Variants in MAOB observed in about 807,000 individuals in gnomAD.
MAOB encodes monoamine oxidase B.
In MAOB, 15 loss-of-function variants were observed where a neutral mutation model predicts 41.9. The observed-to-expected ratio is 0.36, with a 90% confidence interval of 0.24 to 0.55. MAOB has a LOEUF of 0.55. MAOB is among the 20% of genes least tolerant of loss of function. MAOB has a pLI of 0.86. For synonymous variants in MAOB, 167 were observed against 144.2 expected, an observed-to-expected ratio of 1.16 and a Z score of -1.13; for missense variants, 345 against 398.7, an observed-to-expected ratio of 0.87 and a Z score of 1.15.
chrX:43,810,239 T>C (rs2034729006), intron 3 of MAOB, among the ~76,000 whole-genome samples: 1 of 35,496 alleles, frequency 2.8e-5, no homozygotes, highest in African/African-American at 1.6e-4. Flanking sequence ...CGAGACTCTG[T>C]CTCAAAAAAA....
intron 4 of MAOB, 63 bp from the exon 5 acceptor site, chrX:43,802,326 T>C: frequency 1.3e-6 from 1 of 771,183 alleles, no homozygotes; most frequent in Non-Finnish European, 1.9e-6. Context: ...ATTTTATTCA[T>C]TTTTGTAATT....
At chrX:43,851,626 A>G (rs914934910) in intron 1 of MAOB, among the ~76,000 whole-genome samples, 5 of 111,665 alleles carry the variant, frequency 4.5e-5, no homozygotes, top group Admixed American at 1.9e-4. Flanking sequence ...AAGAGCTACC[A>G]TTTCTGCTTT....
chrX:43,845,908 C>T (rs1028698034), intron 1 of MAOB, among the ~76,000 whole-genome samples: 3 of 111,858 alleles, frequency 2.7e-5, no homozygotes, highest in African/African-American at 9.7e-5. Context: ...TCCATCTTCC[C>T]ATCCCTGTCA....
chrX:43,850,515 CA>C, intron 1 of MAOB: 7 of 743,476 alleles, frequency 9.4e-6, no homozygotes, highest in Non-Finnish European at 7.9e-6. Context: ...GCACCAGTCA[CA>C]ATTTTGGGGA....
At chrX:43,833,666 T>C (rs2035042303) in intron 3 of MAOB, among the ~76,000 whole-genome samples, 1 of 111,574 alleles carries the variant, frequency 9.0e-6, no homozygotes, top group African/African-American at 3.3e-5. Flanking sequence ...CTTAATTCCA[T>C]ACATTGTCTA....
At chrX:43,781,405 G>T in intron 9 of MAOB, 43 bp downstream of exon 9, 2 of 833,621 alleles carry the variant, frequency 2.4e-6, no homozygotes, top group Non-Finnish European at 3.4e-6. Flanking sequence ...TGATTATCTT[G>T]TCAACACTGA....
At chrX:43,878,446 G>GTGTGT (rs1336986554) in intron 1 of MAOB, among the ~76,000 whole-genome samples, 2 of 97,369 alleles carry the variant, frequency 2.1e-5, no homozygotes, top group African/African-American at 7.5e-5. Context: ...GTGTGTGTGT[G>GTGTGT]GAGACCATGT....
At chrX:43,837,247 T>G (rs191233176) in intron 3 of MAOB, among the ~76,000 whole-genome samples, 2 of 112,948 alleles carry the variant, frequency 1.8e-5, no homozygotes, top group African/African-American at 6.4e-5. Flanking sequence ...TGTTAAGAAC[T>G]GTTGATTGAT....
intron 5 of MAOB, among the ~76,000 whole-genome samples, chrX:43,800,767 T>A (rs981275606): frequency 3.6e-5 from 4 of 112,074 alleles, no homozygotes; most frequent in Admixed American, 1.9e-4. Context: ...TTAAACATTT[T>A]AAAAATAAAT....
At chrX:43,862,752 A>G (rs2035340790) in intron 1 of MAOB, among the ~76,000 whole-genome samples, 2 of 111,846 alleles carry the variant, frequency 1.8e-5, no homozygotes, top group Admixed American at 9.5e-5. Context: ...CAGCTTGGCT[A>G]AAACATTTCT....
chrX:43,836,308 T>C (rs970062943), intron 3 of MAOB, among the ~76,000 whole-genome samples: 15 of 112,114 alleles, frequency 1.3e-4, no homozygotes, highest in Admixed American at 1.1e-3. Flanking sequence ...AAATGACGTA[T>C]ACAAAGACAT....
At chrX:43,808,861 C>T (rs1054082149) in intron 3 of MAOB, among the ~76,000 whole-genome samples, 1 of 110,214 alleles carries the variant, frequency 9.1e-6, no homozygotes, top group Non-Finnish European at 1.9e-5. Context: ...CACACCACCA[C>T]GCCTGGCTAA....
In MAOB at chrX:43,801,270, T is replaced by C. The variant is rs182389540; in HGVS notation, c.476+902A>G. On this transcript the variant is annotated intron_variant, in intron 5 of 14. Transcript: ENST00000378069. ...TAAAGCTAAATTATTAGAAGCTGAA[T>C]TTTTATATGAAAAATATATGAATTT... Among the ~76,000 whole-genome samples, 13 of 111,210 alleles carry C rather than the reference T, an allele frequency of 1.2e-4. No individual in the cohort carries two copies. The East Asian group carries it at 3.4e-3, about 29-fold the overall frequency.
chrX:43,855,847 T>G (rs1328641493), intron 1 of MAOB, among the ~76,000 whole-genome samples: 1 of 110,769 alleles, frequency 9.0e-6, no homozygotes, highest in Non-Finnish European at 1.9e-5. Context: ...AGAAGCTGCT[T>G]TCACAAGCAG....
intron 3 of MAOB, among the ~76,000 whole-genome samples, chrX:43,834,606 C>T (rs1368739545): frequency 9.0e-6 from 1 of 111,648 alleles, no homozygotes; most frequent in Non-Finnish European, 1.9e-5. Context: ...TTTTGTGTAT[C>T]ATATTTTCAA....
At chrX:43,824,894 T>G (rs759023457) in intron 3 of MAOB, among the ~76,000 whole-genome samples, 1 of 111,140 alleles carries the variant, frequency 9.0e-6, no homozygotes, top group African/African-American at 3.3e-5. Context: ...ATGAAGGAGG[T>G]TCTGCAGAAT....
In MAOB at chrX:43,787,399, CAT is replaced by C. The variant is rs112110896; in HGVS notation, c.929-5857_929-5856del. ...ATGTCCTACCTGACATAATATATAACATATTATAAACATATCATAAAGCTACA... is the reference window on the plus strand; with the variant it reads ...ATGTCCTACCTGACATAATATATAACATTATAAACATATCATAAAGCTACA... On this transcript the variant is annotated intron_variant, in intron 8 of 14. Coordinates refer to ENST00000378069, the MANE Select transcript of MAOB (RefSeq NM_000898.5). 9.3e-3 allele frequency among the ~76,000 whole-genome samples: 1,040 copies of C among 111,382 alleles called. 14 individuals are homozygous for C. Among genetic ancestry groups the C allele is most frequent in the African/African-American group, 0.033 (997 of 30,635 alleles).
At chrX:43,776,176 A>C (rs2034252882) in intron 11 of MAOB, among the ~76,000 whole-genome samples, 1 of 112,168 alleles carries the variant, frequency 8.9e-6, no homozygotes, top group African/African-American at 3.2e-5. Context: ...AGCCAATCAG[A>C]AGAAAAGTTG....
chrX:43,821,972 T>C (rs954338218), intron 3 of MAOB, among the ~76,000 whole-genome samples: 6 of 112,243 alleles, frequency 5.3e-5, no homozygotes, highest in Non-Finnish European at 1.1e-4. Flanking sequence ...ATGGTAAAGT[T>C]ATTGAAGCCC....
Sources: allele counts gnomAD v4.1 joint callset (sites outside exome capture counted in the v4.1 genomes callset), GRCh38; gene constraint gnomAD v4.1.1; transcripts MANE v1.5; gene names NCBI Gene and HGNC (gene_info 2026-07-23, HGNC 2026-07-21).